Variants in PNN observed in about 807,000 individuals in gnomAD.
The protein encoded by PNN is pinin, desmosome associated protein, also known as pinin.
A neutral mutation model predicts 76.6 loss-of-function variants in PNN; 38 were observed. The observed-to-expected ratio is 0.50, with a 90% CI of 0.38 to 0.65. PNN has a LOEUF of 0.65. Ranked by LOEUF, PNN falls within the 30% of genes least tolerant of loss-of-function variation. The pLI, the probability that PNN is intolerant of heterozygous loss-of-function variation, is 0.00. For missense variants in PNN, 873 were observed against 874.1 expected, an observed-to-expected ratio of 1.00 and a Z score of 0.02; for synonymous variants, 366 against 283.7, an observed-to-expected ratio of 1.29 and a Z score of -2.91.
rs1323578301 is a variant in PNN, at chr14:39,177,839, A to G, written c.423-2A>G. 1.2e-6 allele frequency: 2 copies of G among 1,607,764 alleles called. No homozygotes were observed. Among genetic ancestry groups the G allele is most frequent in the Non-Finnish European group, 1.7e-6 (2 of 1,174,596 alleles). The stretch of plus-strand genomic sequence containing the variant: ...AGTAAATTTTCTTATTCTGTTCTTT[A>G]GGAACCGGCGAATATTTGGCTTGTT... On this transcript the variant is annotated splice_acceptor_variant, in intron 5 of 8. Transcript: ENST00000216832. LOFTEE classifies it high-confidence loss of function.
Position 39,181,144 on chromosome 14 carries a change from C to A in PNN, c.1435C>A (p.Gln479Lys). ...TGAGCCTGTGGCTCAACCTCAGCCTCAGTCTCAGCCCCAGCTTCAGCTTCA... is the reference window on the plus strand; with the variant it reads ...TGAGCCTGTGGCTCAACCTCAGCCTAAGTCTCAGCCCCAGCTTCAGCTTCA... ...QPEPVAQPQP[Q>K]SQPQLQLQSQ... Residue 479 changes from glutamine (Q) to lysine (K), a missense_variant, in exon 9 of 9, where the codon CAG becomes AAG. Around this residue, in one of 3 missense-constraint regions of PNN, gnomAD observed 712 missense variants for 693.1 expected, o/e 1.03. Transcript: ENST00000216832. 1 of 1,607,352 alleles carries A rather than the reference C, an allele frequency of 6.2e-7. No individual in the cohort carries two copies. The highest frequency in any genetic ancestry group is 8.5e-7 in the Non-Finnish European group (1 of 1,173,916).
Position 39,181,474 on chromosome 14 carries a change from A to G in PNN, c.1765A>G (p.Ser589Gly). The change falls in exon 9 of 9, where the codon AGT becomes GGT. Residue 589 changes from serine to glycine, a missense_variant. Ser to Gly is a moderately conservative substitution (Grantham distance 56). Around this residue, in one of 3 missense-constraint regions of PNN, gnomAD observed 712 missense variants for 693.1 expected, o/e 1.03. Transcript: ENST00000216832. ...SSSSSSSSST[S>G]SSSGSSSSSG... ...TAGCAGTTCTAGTAGCAGTTCAACCAGTAGCAGCAGTGGAAGTAGTTCCAG... is the reference window on the plus strand; with the variant it reads ...TAGCAGTTCTAGTAGCAGTTCAACCGGTAGCAGCAGTGGAAGTAGTTCCAG... The G allele has an allele frequency of 6.2e-7, 1 of 1,608,004 alleles. No individual in the cohort carries two copies. Among genetic ancestry groups the G allele is most frequent in the South Asian group, 1.1e-5 (1 of 90,708 alleles).
At chr14:39,177,812 A>C in intron 5 of PNN, 29 bp from the exon 6 acceptor site, 1 of 1,546,024 alleles carries the variant, frequency 6.5e-7, no homozygotes, top group Non-Finnish European at 8.9e-7. Flanking sequence ...GATCCTGTTG[A>C]CAGTAAATTT....
At chr14:39,176,895 G>A (rs533979299) in intron 3 of PNN, among the ~76,000 whole-genome samples, 1 of 152,246 alleles carries the variant, frequency 6.6e-6, no homozygotes, top group South Asian at 2.1e-4. Context: ...AACTTAACCA[G>A]TTTGAAATAC....
Position 39,176,125 on chromosome 14 carries a change from G to C in PNN, c.161G>C (p.Arg54Thr). The C allele has an allele frequency of 1.2e-6, 2 of 1,606,140 alleles. No individual in the cohort carries two copies. The highest frequency in any genetic ancestry group is 2.2e-5 in the East Asian group (1 of 44,824). The stretch of plus-strand genomic sequence containing the variant: ...GCCCTTTCTGGTCCTGGTGGAGGTA[G>C]AGGACGTGGTAGTTTATTACTGAGG... ...LLALSGPGGG[R>T]GRGSLLLRRG... Residue 54 changes from arginine to threonine, a missense_variant, in exon 2 of 9, where the codon AGA (arginine) becomes ACA (threonine). Physicochemically the swap from Arg to Thr is moderately conservative, Grantham distance 71. This residue lies in a region of PNN where 156 missense variants were observed against 161.7 expected (regional missense o/e 0.96). Coordinates refer to ENST00000216832, the MANE Select transcript of PNN (RefSeq NM_002687.4).
chr14:39,180,754 G>T lies in PNN; in HGVS notation c.1045G>T (p.Ala349Ser). 6.2e-7 allele frequency: 1 copy of T among 1,600,336 alleles called. No individual in the cohort carries two copies. The highest frequency in any genetic ancestry group is 8.5e-7 in the Non-Finnish European group (1 of 1,172,542). ...GGAAATAGCGATTGTTCATAGTGATGCAGAGAAAGAACAGGAGGAGGAAGA... is the reference window on the plus strand; with the variant it reads ...GGAAATAGCGATTGTTCATAGTGATTCAGAGAAAGAACAGGAGGAGGAAGA... ...EKEIAIVHSD[A>S]EKEQEEEEQK... Residue 349 changes from alanine to serine, a missense_variant, in exon 9 of 9, where the codon GCA becomes TCA. Physicochemically the swap from Ala to Ser is moderately conservative, Grantham distance 99. Coordinates refer to ENST00000216832, the MANE Select transcript of PNN (RefSeq NM_002687.4).
chr14:39,176,154 G>C lies in PNN; in HGVS notation c.185+5G>C, dbSNP rs770545988. ...ACGTGGTAGTTTATTACTGAGGTAA[G>C]ATTTCCTTTGGACTTTACTCATGCT... On this transcript the variant is annotated splice_donor_5th_base_variant and intron_variant, in intron 2 of 8. Transcript: ENST00000216832. 2 of 1,548,404 alleles carry C rather than the reference G, an allele frequency of 1.3e-6. No homozygotes were observed. The highest frequency in any genetic ancestry group is 2.2e-5 in the South Asian group (2 of 89,590).
intron 2 of PNN, 145 bp from the exon 3 acceptor site, chr14:39,176,382 C>T (rs1454994223): frequency 4.5e-6 from 3 of 672,522 alleles, no homozygotes; most frequent in Non-Finnish European, 7.6e-6. Context: ...TAAAGTAACA[C>T]TATAAAAGCA....
chr14:39,176,339 A>G, intron 2 of PNN, 188 bp from the exon 3 acceptor site: 1 of 634,214 alleles, frequency 1.6e-6, no homozygotes, highest in Non-Finnish European at 2.8e-6. Flanking sequence ...AGAATATATT[A>G]AGTTTACCAA....
chr14:39,177,420 G>T lies in PNN; in HGVS notation c.263G>T (p.Gly88Val). 6.2e-7 allele frequency: 1 copy of T among 1,613,804 alleles called. No homozygotes were observed. Among genetic ancestry groups the T allele is most frequent in the Non-Finnish European group, 8.5e-7 (1 of 1,179,758 alleles). The change falls in exon 4 of 9, where the codon GGG (glycine) becomes GTG (valine). Residue 88 changes from glycine (G) to valine (V), a missense_variant. This residue lies in a region of PNN where 156 missense variants were observed against 161.7 expected (regional missense o/e 0.96). Transcript: ENST00000216832. ...AATATTTTCTATGACAGGCTGGGCG[G>T]GGAGCGTCGGACCAGAAGAGAATCA... The part of the protein sequence containing the change: ...DLEGAVSRLG[G>V]ERRTRRESRQ...
Position 39,179,383 on chromosome 14 carries a change from G to A in PNN, c.714G>A (p.Lys238=). The part of the protein sequence containing the change: ...KIIKYIRTKT[K]PHLFYIPGRM... ...TTAAATATATAAGAACTAAGACAAA[G>A]CCCCATTTGTTTTATATTCCTGGAA... Residue 238 remains lysine (K), a synonymous_variant, in exon 8 of 9, where the codon AAG becomes AAA. Transcript: ENST00000216832. 1 of 1,609,682 alleles carries A rather than the reference G, an allele frequency of 6.2e-7. No homozygotes were observed. Among genetic ancestry groups the A allele is most frequent in the South Asian group, 1.1e-5 (1 of 90,968 alleles).
intron 6 of PNN, 186 bp from the exon 7 acceptor site, chr14:39,178,905 A>C: frequency 1.8e-6 from 1 of 550,740 alleles, no homozygotes; most frequent in South Asian, 2.4e-5. Flanking sequence ...CGCCCTGTTA[A>C]TTTTTTTGTG....
chr14:39,175,924 T>G, intron 1 of PNN, 154 bp from the exon 2 acceptor site: 1 of 606,686 alleles, frequency 1.6e-6, no homozygotes, highest in Non-Finnish European at 3.0e-6. Flanking sequence ...GAAATAGTAC[T>G]TCCTGTCCTG....
chr14:39,175,722 G>A lies in PNN; in HGVS notation c.113+330G>A, dbSNP rs915846766. 11 of 465,238 alleles carry A rather than the reference G, an allele frequency of 2.4e-5. No homozygotes were observed. The South Asian group carries it at 2.7e-4, about 11-fold the overall frequency. 28.8% of individuals were successfully genotyped at this position (465,238 alleles called of 1,614,324 possible). A position where few individuals can be genotyped will look rare whatever the true frequency, so the allele number is the denominator to read the frequency against. On this transcript the variant is annotated intron_variant, in intron 1 of 8. Transcript: ENST00000216832. ...CACAAAGCCCCTTCCCGCTCCGGCGGACACCCGGCCCGTTGCTGGCCCCGA... is the reference window on the plus strand; with the variant it reads ...CACAAAGCCCCTTCCCGCTCCGGCGAACACCCGGCCCGTTGCTGGCCCCGA...
chr14:39,178,052 T>TTAA lies in PNN; in HGVS notation c.498+137_498+139dup, dbSNP rs2053242712. On this transcript the variant is annotated intron_variant, in intron 6 of 8. Coordinates refer to ENST00000216832, the MANE Select transcript of PNN (RefSeq NM_002687.4). ...AAACAAAGCCAAGTAAAAACTTGGTTTAACTTCTTATAGAACAGCTTTACT... is the reference window on the plus strand; with the variant it reads ...AAACAAAGCCAAGTAAAAACTTGGTTTAATAACTTCTTATAGAACAGCTTTACT... 3 of 668,892 alleles carry TTAA rather than the reference T, an allele frequency of 4.5e-6. No individual in the cohort carries two copies. In the Admixed American group the frequency reaches 7.7e-5, roughly 17 times the overall value. The allele number at this position is 668,892 out of a possible 1,614,324, so 41.4% of individuals were successfully genotyped here. A position where few individuals can be genotyped will look rare whatever the true frequency, so the allele number is the denominator to read the frequency against.
intron 6 of PNN, among the ~76,000 whole-genome samples, chr14:39,178,819 C>T (rs1158743736): frequency 6.6e-6 from 1 of 151,818 alleles, no homozygotes; most frequent in Non-Finnish European, 1.5e-5. Context: ...CTCACTGCAA[C>T]CTCCGCCTCT....
rs774296289 is a variant in PNN at position 39,181,400 on chromosome 14, G to A, written c.1691G>A (p.Gly564Asp). ...ACCAAAACTAGGAGCAGAAGTAGAG[G>A]TCGAGCTAGAAATAAAACAAGCAAG... ...SKTKTRSRSR[G>D]RARNKTSKSR... is the part of the protein sequence containing the mutation. The change falls in exon 9 of 9, where the codon GGT (glycine) becomes GAT (aspartate). Residue 564 changes from glycine to aspartate, a missense_variant. Gly to Asp is a moderately conservative substitution (Grantham distance 94). Coordinates refer to ENST00000216832, the MANE Select transcript of PNN (RefSeq NM_002687.4). 3 of 1,614,206 alleles carry A rather than the reference G, an allele frequency of 1.9e-6. No individual in the cohort carries two copies. Among genetic ancestry groups the A allele is most frequent in the Non-Finnish European group, 1.7e-6 (2 of 1,180,038 alleles).
At chr14:39,176,407 C>A in intron 2 of PNN, 120 bp from the exon 3 acceptor site, 3 of 736,084 alleles carry the variant, frequency 4.1e-6, no homozygotes, top group Non-Finnish European at 6.7e-6. Flanking sequence ...GGAATGAATG[C>A]CCGTTTAAGG....
rs1450284955 is a variant in PNN, at chr14:39,177,489, T to C, written c.327+5T>C. 3.1e-6 allele frequency: 5 copies of C among 1,612,946 alleles called. No homozygotes were observed. In the African/African-American group the frequency reaches 6.7e-5, roughly 22 times the overall value. On this transcript the variant is annotated splice_donor_5th_base_variant and intron_variant, in intron 4 of 8. Transcript: ENST00000216832. ...GAGGATGATGATGTTAAAAAGGTAT[T>C]GAGATTGAAAGAACTTAAATGAATG...
Sources: allele counts gnomAD v4.1 joint callset (sites outside exome capture counted in the v4.1 genomes callset), GRCh38; gene constraint gnomAD v4.1.1; regional missense constraint gnomAD v4.1.1; transcripts MANE v1.5; gene names NCBI Gene and HGNC (gene_info 2026-07-23, HGNC 2026-07-21).